The following PCBP3 variants were observed in gnomAD, a reference collection of about 807,000 sequenced individuals.
The protein encoded by PCBP3 is poly(rC)-binding protein 3.
A neutral mutation model predicts 52.7 loss-of-function variants in PCBP3; 25 were observed. The ratio of observed to expected loss-of-function variants is 0.47; its 90% CI spans 0.35 to 0.66. The LOEUF is 0.66. Among genes scored for constraint, PCBP3 ranks in the 30% least tolerant of loss-of-function variants. PCBP3 has a pLI of 0.01. For synonymous variants in PCBP3, 162 were observed against 183.0 expected (o/e 0.89, Z 0.93); for missense variants, 391 against 490.3 (o/e 0.80, Z 1.91).
At chr21:45,699,529 A>T (rs553056906) in intron 2 of PCBP3, among the ~76,000 whole-genome samples, 2 of 152,300 alleles carry the variant, frequency 1.3e-5, no homozygotes, top group African/African-American at 4.8e-5. Context: ...CATATCTGGA[A>T]CTCTAGCCCT....
At chr21:45,714,211 C>T (rs1396567394) in intron 2 of PCBP3, among the ~76,000 whole-genome samples, 1 of 152,212 alleles carries the variant, frequency 6.6e-6, no homozygotes, top group African/African-American at 2.4e-5. Context: ...GACTCTTGCT[C>T]TGGGACTCTC....
rs1443222563 is a variant in PCBP3 at position 45,817,090 on chromosome 21, C to T, written c.-125-32871C>T. The stretch of plus-strand genomic sequence containing the variant: ...GTGTGGCACGTGACTATATATGCTA[C>T]GCTGTTAAGAATTTGGGGTGTTGTG... On this transcript the variant is annotated intron_variant, in intron 4 of 17. Transcript: ENST00000681687. The surrounding 1 kb of genome is among the most constrained non-coding windows in gnomAD (Gnocchi z 4.3). Among the ~76,000 whole-genome samples the T allele has an allele frequency of 2.4e-4, 37 of 152,124 alleles. 1 individual carries two copies. The highest frequency in any genetic ancestry group is 2.4e-3 in the Admixed American group (36 of 15,270).
At chr21:45,823,771 C>T (rs543065386) in intron 4 of PCBP3, among the ~76,000 whole-genome samples, 1 of 151,584 alleles carries the variant, frequency 6.6e-6, no homozygotes, top group Non-Finnish European at 1.5e-5. Context: ...AGATGGAGTC[C>T]CTTTCTGTCG....
chr21:45,719,489 C>T (rs940936038), intron 2 of PCBP3, among the ~76,000 whole-genome samples: 3 of 152,132 alleles, frequency 2.0e-5, no homozygotes, highest in African/African-American at 4.8e-5. Context: ...ATTGTAATCT[C>T]CATTACCCAA....
At chr21:45,751,523 T>TTCCTCTGCTGCCCAGTGCTGCG (rs2087502723) in intron 3 of PCBP3, 1 of 152,414 alleles carries the variant, frequency 6.6e-6, no homozygotes, top group Non-Finnish European at 1.5e-5. Flanking sequence ...TTCCTTTTGC[T>TTCCTCTGCTGCCCAGTGCTGCG]TCCTCTGCTG....
chr21:45,784,105 A>T (rs536907623), intron 4 of PCBP3, among the ~76,000 whole-genome samples: 23 of 152,348 alleles, frequency 1.5e-4, no homozygotes, highest in African/African-American at 5.3e-4. Flanking sequence ...ACAGGGATGT[A>T]ATTTGCAGAG....
At chr21:45,688,020 C>T (rs367981437) in intron 2 of PCBP3, among the ~76,000 whole-genome samples, 11 of 152,046 alleles carry the variant, frequency 7.2e-5, no homozygotes, top group Non-Finnish European at 1.0e-4. Flanking sequence ...CATGAGCCAC[C>T]GTGCCTGGTC....
At chr21:45,688,348 T>C (rs942607848) in intron 2 of PCBP3, among the ~76,000 whole-genome samples, 1 of 152,176 alleles carries the variant, frequency 6.6e-6, no homozygotes, top group African/African-American at 2.4e-5. Flanking sequence ...CAAAATTAAA[T>C]TAGAAATCAA....
intron 4 of PCBP3, among the ~76,000 whole-genome samples, chr21:45,766,172 G>A (rs191265752): frequency 6.6e-4 from 101 of 152,360 alleles, no homozygotes; most frequent in African/African-American, 2.4e-3. Context: ...TTAGTGAGGC[G>A]CCTGCCCTGC....
In PCBP3 at chr21:45,798,830, G is replaced by A. The variant is rs28684590; in HGVS notation, c.-126+43378G>A. 4.1e-3 allele frequency among the ~76,000 whole-genome samples: 551 copies of A among 133,792 alleles called. 3 individuals carry two copies. The highest frequency in any genetic ancestry group is 0.013 in the African/African-American group (448 of 34,396). 87.8% of individuals were successfully genotyped at this position (133,792 alleles called of 152,430 possible). ...CGTACATGGATGAATACATGGATCC[G>A]TAGAGAGAGTGAATGGATGTGTACA... On this transcript the variant is annotated intron_variant, in intron 4 of 17. Coordinates refer to ENST00000681687, the MANE Select transcript of PCBP3 (RefSeq NM_001384156.1).
At chr21:45,843,133 C>A (rs1480298901) in intron 4 of PCBP3, among the ~76,000 whole-genome samples, 30 of 152,190 alleles carry the variant, frequency 2.0e-4, no homozygotes, top group Admixed American at 2.0e-3. Context: ...CAGCCAGTCC[C>A]CCTTCTTCCC....
intron 7 of PCBP3, among the ~76,000 whole-genome samples, chr21:45,899,854 A>G (rs2210290): frequency 0.81 from 122,549 of 152,162 alleles, 50,155 homozygotes; most frequent in East Asian, 1. Context: ...CCAGCTGGTC[A>G]CCTCGCTGCC....
chr21:45,646,598 C>T (rs2079328952), intron 1 of PCBP3, among the ~76,000 whole-genome samples: 2 of 152,182 alleles, frequency 1.3e-5, no homozygotes, highest in African/African-American at 4.8e-5. Flanking sequence ...CCATGACAAC[C>T]CACTAATCCA....
rs373049194 is a variant in PCBP3, at chr21:45,741,396, A to C, written c.-162+5967A>C. On this transcript the variant is annotated intron_variant, in intron 3 of 17. Coordinates refer to ENST00000681687, the MANE Select transcript of PCBP3 (RefSeq NM_001384156.1). This position sits in a 1 kb window ranked among gnomAD's most constrained non-coding sequence, Gnocchi z 4.5. ...GCACAGCCAGCGAGGGGAGTCCTGG[A>C]AAGTGGGGAGGAGGGCGAGGTAGGG... Among the ~76,000 whole-genome samples the C allele has an allele frequency of 1.6e-4, 24 of 152,238 alleles. No homozygotes were observed. The East Asian group carries it at 4.6e-3, about 29-fold the overall frequency.
At chr21:45,842,579 G>A (rs1461547070) in intron 4 of PCBP3, among the ~76,000 whole-genome samples, 2 of 152,108 alleles carry the variant, frequency 1.3e-5, no homozygotes, top group African/African-American at 4.8e-5. Context: ...TCATGTTGAG[G>A]TATGCCTAAT....
chr21:45,902,313 G>A (rs8133445), intron 9 of PCBP3, among the ~76,000 whole-genome samples: 547 of 48,596 alleles, frequency 0.011, 16 homozygotes, highest in African/African-American at 0.1. Context: ...AAGGCTGGAC[G>A]CTGCAGACAC....
At chr21:45,795,391 G>T (rs1429419359) in intron 4 of PCBP3, among the ~76,000 whole-genome samples, 1 of 146,016 alleles carries the variant, frequency 6.8e-6, no homozygotes, top group African/African-American at 2.6e-5. Flanking sequence ...AAATATCTCT[G>T]CCATGTATTT....
intron 7 of PCBP3, among the ~76,000 whole-genome samples, 197 bp from the exon 8 acceptor site, chr21:45,900,394 C>T (rs752354127): frequency 4.6e-5 from 7 of 152,168 alleles, no homozygotes; most frequent in Non-Finnish European, 1.0e-4. Context: ...CTCAGTTTCC[C>T]ATCTGAAATG....
chr21:45,750,877 T>A (rs1021588022), intron 3 of PCBP3: 4 of 127,514 alleles, frequency 3.1e-5, no homozygotes, highest in Admixed American at 2.3e-4. Flanking sequence ...TACATGTAAG[T>A]GTGTGTGTGT....
Sources: gnomAD v4.1 joint callset for allele counts (sites outside exome capture counted in the v4.1 genomes callset) on GRCh38, gnomAD v4.1.1 for gene constraint, Gnocchi (gnomAD v3.1) non-coding constraint, MANE v1.5 for transcripts, NCBI Gene and HGNC (gene_info 2026-07-23, HGNC 2026-07-21) for gene names.